NALF1: variants seen among roughly 807,000 people sequenced by gnomAD.
The protein encoded by NALF1 is NALCN channel auxiliary factor 1.
Under a neutral mutation model 48.4 loss-of-function variants are expected in NALF1, and 3 were observed. That is an observed-to-expected ratio of 0.06 (90% CI 0.03 to 0.16). NALF1 has a LOEUF of 0.16. NALF1 is among the 10% of genes least tolerant of loss of function. The pLI is 1.00. For missense variants in NALF1, 526 were observed against 571.5 expected (o/e 0.92, Z 0.81); for synonymous variants, 262 against 245.7 (o/e 1.07, Z -0.62).
At chr13:107,291,769 AAC>A (rs200757812) in intron 1 of NALF1, among the ~76,000 whole-genome samples, 2,065 of 152,336 alleles carry the variant, frequency 0.014, 54 homozygotes, top group African/African-American at 0.047. Flanking sequence ...AAATAAGAAA[AAC>A]AGTTTTATGC....
At chr13:107,500,052 G>A (rs1434864465) in intron 1 of NALF1, among the ~76,000 whole-genome samples, 1 of 152,052 alleles carries the variant, frequency 6.6e-6, no homozygotes, top group East Asian at 1.9e-4. Flanking sequence ...CAATTATTAT[G>A]TATAAGATTA....
At chr13:107,472,727 C>T (rs1885120666) in intron 1 of NALF1, among the ~76,000 whole-genome samples, 1 of 152,140 alleles carries the variant, frequency 6.6e-6, no homozygotes, top group Admixed American at 6.5e-5. Flanking sequence ...GGCCATTGAC[C>T]ACAGTCTCAA....
intron 1 of NALF1, among the ~76,000 whole-genome samples, chr13:107,431,060 G>A (rs1287045989): frequency 7.1e-6 from 1 of 141,454 alleles, no homozygotes; most frequent in Non-Finnish European, 1.6e-5. Context: ...GTGATGATGA[G>A]CATTTTTTCG....
intron 1 of NALF1, among the ~76,000 whole-genome samples, chr13:107,667,673 A>C (rs1880894507): frequency 6.6e-6 from 1 of 152,092 alleles, no homozygotes; most frequent in African/African-American, 2.4e-5. Context: ...TTTTAAATTC[A>C]ATTCTTCTAA....
intron 1 of NALF1, among the ~76,000 whole-genome samples, chr13:107,842,913 C>T (rs914942155): frequency 3.3e-5 from 5 of 152,074 alleles, no homozygotes; most frequent in South Asian, 2.1e-4. Context: ...CACTAGGATA[C>T]GGCCCCCTTC....
At chr13:107,818,411 G>T (rs1330501148) in intron 1 of NALF1, among the ~76,000 whole-genome samples, 1 of 152,120 alleles carries the variant, frequency 6.6e-6, no homozygotes, top group African/African-American at 2.4e-5. Context: ...GACACTGGAG[G>T]AAGTAGGGTC....
intron 1 of NALF1, among the ~76,000 whole-genome samples, chr13:107,757,419 T>TTC (rs1566470502): frequency 7.2e-6 from 1 of 138,726 alleles, no homozygotes; most frequent in East Asian, 1.9e-4. Context: ...TCATTTCTTT[T>TTC]TTTTTTTTTT....
At chr13:107,718,391 A>G (rs1363293691) in intron 1 of NALF1, among the ~76,000 whole-genome samples, 2 of 152,194 alleles carry the variant, frequency 1.3e-5, no homozygotes, top group African/African-American at 2.4e-5. Context: ...CATTAAAGGA[A>G]GAAGACTCTC....
chr13:107,825,166 C>G (rs1879476018), intron 1 of NALF1, among the ~76,000 whole-genome samples: 2 of 152,180 alleles, frequency 1.3e-5, no homozygotes, highest in African/African-American at 4.8e-5. Flanking sequence ...GTTATAGTTA[C>G]TAACAAGCTT....
intron 1 of NALF1, among the ~76,000 whole-genome samples, chr13:107,562,176 T>C (rs570520405): frequency 1.3e-5 from 2 of 152,332 alleles, no homozygotes; most frequent in Admixed American, 6.5e-5. Flanking sequence ...AGGGACACAC[T>C]TTCTCCCATC....
chr13:107,521,543 G>A (rs1313970514), intron 1 of NALF1, among the ~76,000 whole-genome samples: 1 of 152,106 alleles, frequency 6.6e-6, no homozygotes, highest in African/African-American at 2.4e-5. Flanking sequence ...TAAAGCACTA[G>A]TTAGAATAAC....
intron 1 of NALF1, among the ~76,000 whole-genome samples, chr13:107,781,816 A>C (rs1325615297): frequency 6.6e-6 from 1 of 152,098 alleles, no homozygotes; most frequent in Admixed American, 6.6e-5. Context: ...CATTGCCTGT[A>C]ATCATTATGT....
intron 1 of NALF1, among the ~76,000 whole-genome samples, chr13:107,730,311 A>G (rs1566460464): frequency 6.6e-6 from 1 of 152,208 alleles, no homozygotes; most frequent in Non-Finnish European, 1.5e-5. Flanking sequence ...AGGCTCAATC[A>G]ATACTCTCCT....
chr13:107,657,611 G>A (rs1175995391), intron 1 of NALF1, among the ~76,000 whole-genome samples: 1 of 152,116 alleles, frequency 6.6e-6, no homozygotes, highest in Admixed American at 6.6e-5. Context: ...GTATTTACCA[G>A]TCTTTGTGGG....
At chr13:107,414,089 A>T (rs190053579) in intron 1 of NALF1, among the ~76,000 whole-genome samples, 1 of 152,320 alleles carries the variant, frequency 6.6e-6, no homozygotes, top group African/African-American at 2.4e-5. Flanking sequence ...CCACTGCACC[A>T]GGCCAATATT....
intron 1 of NALF1, among the ~76,000 whole-genome samples, chr13:107,798,886 A>C (rs1429960129): frequency 6.6e-6 from 1 of 152,236 alleles, no homozygotes; most frequent in Non-Finnish European, 1.5e-5. Flanking sequence ...AAATAGAAAT[A>C]ACAGTAAACA....
At chr13:107,681,826 T>C (rs1163387018) in intron 1 of NALF1, among the ~76,000 whole-genome samples, 2 of 152,158 alleles carry the variant, frequency 1.3e-5, no homozygotes, top group Admixed American at 1.3e-4. Flanking sequence ...CAACTATTTA[T>C]AGATGCAGAG....
intron 1 of NALF1, among the ~76,000 whole-genome samples, chr13:107,624,228 TG>T (rs1480686192): frequency 5.9e-5 from 9 of 152,294 alleles, no homozygotes; most frequent in African/African-American, 2.2e-4. Flanking sequence ...GCCGTTCTTC[TG>T]ACTTTGTAGC....
chr13:107,325,887 T>TATATATATATATACACAC (rs752320518), intron 1 of NALF1, among the ~76,000 whole-genome samples: 4 of 58,876 alleles, frequency 6.8e-5, no homozygotes, highest in East Asian at 4.7e-4. Context: ...TATATATATA[T>TATATATATATATACACAC]ACACACACAC....
Sources: gnomAD v4.1 joint callset for allele counts (sites outside exome capture counted in the v4.1 genomes callset) on GRCh38, gnomAD v4.1.1 for gene constraint, MANE v1.5 for transcripts, NCBI Gene and HGNC (gene_info 2026-07-23, HGNC 2026-07-21) for gene names.